The following TRIM63 variants were observed in gnomAD, a reference collection of about 807,000 sequenced individuals.
TRIM63 encodes the protein E3 ubiquitin-protein ligase TRIM63.
Under a neutral mutation model 46.0 loss-of-function variants are expected in TRIM63, and 48 were observed. That is an observed-to-expected ratio of 1.04 (90% confidence interval 0.83 to 1.33). TRIM63 has a LOEUF of 1.33. TRIM63 is among the 40% of genes most tolerant of loss of function. TRIM63 has a pLI of 0.00. For missense variants in TRIM63, 455 were observed against 441.2 expected (o/e 1.03, Z -0.28); for synonymous variants, 175 against 162.8 (o/e 1.08, Z -0.57).
intron 8 of TRIM63, among the ~76,000 whole-genome samples, 193 bp downstream of exon 8, chr1:26,053,700 T>C (rs1264019364): frequency 6.6e-6 from 1 of 152,294 alleles, no homozygotes; most frequent in South Asian, 2.1e-4. Flanking sequence ...TTATTATGAA[T>C]AGTTTGGGGT....
At chr1:26,065,475 G>T (rs2050668092) in intron 2 of TRIM63, among the ~76,000 whole-genome samples, 1 of 152,128 alleles carries the variant, frequency 6.6e-6, no homozygotes, top group Admixed American at 6.5e-5. Flanking sequence ...CGCCCAGCTA[G>T]TTTTTAAACT....
chr1:26,066,240 C>T (rs374996755), intron 2 of TRIM63, 28 bp downstream of exon 2: 11 of 1,612,234 alleles, frequency 6.8e-6, no homozygotes, highest in South Asian at 5.5e-5. Context: ...GGAAGGAGGG[C>T]GGGCCCCCAG....
chr1:26,057,748 G>A (rs537800397), intron 5 of TRIM63, 98 bp from the exon 6 acceptor site: 1 of 1,325,464 alleles, frequency 7.5e-7, no homozygotes, highest in East Asian at 2.4e-5. Flanking sequence ...TAGATATTTG[G>A]TGCCATTCCC....
chr1:26,067,413 C>G lies in TRIM63; in HGVS notation c.82G>C (p.Glu28Gln). The G allele has an allele frequency of 6.2e-7, 1 of 1,614,180 alleles. No homozygotes were observed. The highest frequency in any genetic ancestry group is 8.5e-7 in the Non-Finnish European group (1 of 1,180,038). ...ATGACCACTGGCTTGGTAAACATCT[C>G]CAGGCAGATAGGGCAGATCAGCTGC... ...EKQLICPICL[E>Q]MFTKPVVILP... is the part of the protein sequence containing the mutation. The change falls in exon 1 of 9, where the codon GAG (glutamate) becomes CAG (glutamine). Residue 28 changes from glutamate (E) to glutamine (Q), a missense_variant. Coordinates refer to ENST00000374272, the MANE Select transcript of TRIM63 (RefSeq NM_032588.4).
intron 8 of TRIM63, among the ~76,000 whole-genome samples, chr1:26,053,152 C>G (rs893752312): frequency 6.6e-6 from 1 of 152,156 alleles, no homozygotes; most frequent in African/African-American, 2.4e-5. Flanking sequence ...TGCTGTTGAC[C>G]AGGCTGGTCC....
intron 4 of TRIM63, among the ~76,000 whole-genome samples, chr1:26,059,401 C>A (rs2050602329): frequency 6.6e-6 from 1 of 152,110 alleles, no homozygotes. Flanking sequence ...TCCCATATGT[C>A]CCAGTTCACA....
intron 2 of TRIM63, among the ~76,000 whole-genome samples, chr1:26,063,385 A>C (rs1182289628): frequency 1.3e-5 from 2 of 152,222 alleles, no homozygotes; most frequent in Non-Finnish European, 2.9e-5. Context: ...ACCTCCAAAC[A>C]GCCTTACATG....
rs1569722939 is a variant in TRIM63, at chr1:26,051,788, C to G, written c.*85G>C. 2 of 894,804 alleles carry G rather than the reference C, an allele frequency of 2.2e-6. No homozygotes were observed. The highest frequency in any genetic ancestry group is 6.1e-5 in the East Asian group (2 of 32,654). The allele number at this position is 894,804 out of a possible 1,614,324, so 55.4% of individuals were successfully genotyped here. On this transcript the variant is annotated 3_prime_UTR_variant, in exon 9 of 9. Coordinates refer to ENST00000374272, the MANE Select transcript of TRIM63 (RefSeq NM_032588.4). Reference sequence around the variant, plus strand: ...CTCCAGGGGCCCCGACCCCTCCCACCCTGGGCCTGTCACCAAGGCCGCTGG... The same window carrying G: ...CTCCAGGGGCCCCGACCCCTCCCACGCTGGGCCTGTCACCAAGGCCGCTGG...
chr1:26,057,670 A>G lies in TRIM63; in HGVS notation c.832-20T>C. ...GGCAGTCTGCAGGGGGAGAGAGAAC[A>G]AAGGATTAGGACCGCAGAAGAGGTA... On this transcript the variant is annotated intron_variant, in intron 5 of 8. Coordinates refer to ENST00000374272, the MANE Select transcript of TRIM63 (RefSeq NM_032588.4). 1.2e-6 allele frequency: 2 copies of G among 1,605,202 alleles called. No individual in the cohort carries two copies. The highest frequency in any genetic ancestry group is 2.2e-5 in the East Asian group (1 of 44,700).
intron 3 of TRIM63, among the ~76,000 whole-genome samples, chr1:26,060,734 G>T (rs1322039355): frequency 6.6e-6 from 1 of 152,214 alleles, no homozygotes; most frequent in Non-Finnish European, 1.5e-5. Flanking sequence ...TGGAAAGGGG[G>T]TGGCTACGGC....
chr1:26,060,665 T>C (rs2050615438), intron 3 of TRIM63, among the ~76,000 whole-genome samples: 1 of 151,540 alleles, frequency 6.6e-6, no homozygotes, highest in South Asian at 2.1e-4. Context: ...AGAAATAGAG[T>C]TGGAGACGTC....
At position 26,051,795 on chromosome 1, in the gene TRIM63, CT is replaced by C; in HGVS notation, c.*77del. On this transcript the variant is annotated 3_prime_UTR_variant, in exon 9 of 9. Coordinates refer to ENST00000374272, the MANE Select transcript of TRIM63 (RefSeq NM_032588.4). ...GGCCCCGACCCCTCCCACCCTGGGC[CT>C]GTCACCAAGGCCGCTGGGCCCCTCC... 2.1e-5 allele frequency: 22 copies of C among 1,057,490 alleles called. No individual in the cohort carries two copies. Among genetic ancestry groups the C allele is most frequent in the Non-Finnish European group, 2.6e-5 (21 of 792,690 alleles). The allele number at this position is 1,057,490 out of a possible 1,614,324, so 65.5% of individuals were successfully genotyped here. A position where few individuals can be genotyped will look rare whatever the true frequency, so the allele number is the denominator to read the frequency against.
intron 2 of TRIM63, among the ~76,000 whole-genome samples, chr1:26,063,065 T>TTTGA (rs1251492588): frequency 6.6e-6 from 1 of 151,248 alleles, no homozygotes; most frequent in Non-Finnish European, 1.5e-5. Context: ...CCTTTGTTTG[T>TTTGA]TTGTTTGTTT....
At chr1:26,057,709 A>G (rs936864893) in intron 5 of TRIM63, 59 bp from the exon 6 acceptor site, 2 of 1,546,676 alleles carry the variant, frequency 1.3e-6, no homozygotes, top group Non-Finnish European at 1.8e-6. Flanking sequence ...GCAGGAAATC[A>G]GCAAAACTAG....
Position 26,066,387 on chromosome 1 carries a change from G to A in TRIM63, c.213C>T (p.Gly71=). Residue 71 remains glycine, a synonymous_variant, in exon 2 of 9, where the codon GGC becomes GGT. Transcript: ENST00000374272. The part of the protein sequence containing the change: ...SRGSSVSMSG[G]RFRCPTCRHE... Reference sequence around the variant, plus strand: ...GGCGGCAGGTGGGGCAGCGGAAACGGCCTCCAGACATGGACACTGAGCTGC... The same window carrying A: ...GGCGGCAGGTGGGGCAGCGGAAACGACCTCCAGACATGGACACTGAGCTGC... The A allele has an allele frequency of 2.5e-6, 4 of 1,612,644 alleles. No individual in the cohort carries two copies. Among genetic ancestry groups the A allele is most frequent in the Non-Finnish European group, 3.4e-6 (4 of 1,179,218 alleles).
At chr1:26,057,561 G>A (rs1415571248) in intron 6 of TRIM63, 67 bp downstream of exon 6, 6 of 1,549,750 alleles carry the variant, frequency 3.9e-6, no homozygotes, top group Non-Finnish European at 5.3e-6. Flanking sequence ...CCCAGGATGA[G>A]GCTTCCTGGA....
Position 26,057,641 on chromosome 1 carries a change from G to A in TRIM63, c.841C>T (p.Gln281Ter). The A allele has an allele frequency of 6.2e-7, 1 of 1,610,310 alleles. No individual in the cohort carries two copies. The highest frequency in any genetic ancestry group is 8.5e-7 in the Non-Finnish European group (1 of 1,178,380). The part of the protein sequence containing the change: ...GGATFLLTAK[Q>*]LIKSIVEASK... ...GAAGACACTGACCTTTTGATGAGTTGCTTGGCAGTCTGCAGGGGGAGAGAG... is the reference window on the plus strand; with the variant it reads ...GAAGACACTGACCTTTTGATGAGTTACTTGGCAGTCTGCAGGGGGAGAGAG... Residue 281 changes from glutamine (Q) to a stop codon, truncating the protein, a stop_gained, in exon 6 of 9, where the codon CAA (glutamine) becomes TAA (stop). Transcript: ENST00000374272. LOFTEE classifies it high-confidence loss of function.
chr1:26,066,364 C>A lies in TRIM63; in HGVS notation c.236G>T (p.Arg79Leu), dbSNP rs760601079. 2.5e-6 allele frequency: 4 copies of A among 1,613,766 alleles called. No individual in the cohort carries two copies. In the African/African-American group the frequency reaches 4.0e-5, roughly 16 times the overall value. Residue 79 changes from arginine (R) to leucine (L), a missense_variant, in exon 2 of 9, where the codon CGC becomes CTC. By Grantham distance (102) the Arg-to-Leu change is moderately radical. Coordinates refer to ENST00000374272, the MANE Select transcript of TRIM63 (RefSeq NM_032588.4). ...SGGRFRCPTC[R>L]HEVIMDRHGV... ...GTGACGATCCATGATCACCTCGTGG[C>A]GGCAGGTGGGGCAGCGGAAACGGCC... is the stretch of plus-strand genomic sequence containing the variant.
Position 26,067,584 on chromosome 1 carries a change from C to T in TRIM63, c.-90G>A, listed in dbSNP as rs2050690188. Reference sequence around the variant, plus strand: ...TGGGGGTCTTGCCTTTGTCACAAAACACCGGGTCGGATCCTGTTGGCTTCC... The same window carrying T: ...TGGGGGTCTTGCCTTTGTCACAAAATACCGGGTCGGATCCTGTTGGCTTCC... On this transcript the variant is annotated 5_prime_UTR_variant, in exon 1 of 9. Coordinates refer to ENST00000374272, the MANE Select transcript of TRIM63 (RefSeq NM_032588.4). The T allele has an allele frequency of 6.9e-7, 1 of 1,454,672 alleles. No individual in the cohort carries two copies. Among genetic ancestry groups the T allele is most frequent in the Admixed American group, 2.0e-5 (1 of 50,372 alleles). The allele number at this position is 1,454,672 out of a possible 1,614,324, so 90.1% of individuals were successfully genotyped here.
Sources: gnomAD v4.1 joint callset for allele counts (sites outside exome capture counted in the v4.1 genomes callset) on GRCh38, gnomAD v4.1.1 for gene constraint, MANE v1.5 for transcripts, NCBI Gene and HGNC (gene_info 2026-07-23, HGNC 2026-07-21) for gene names.